Variants in GTF2IRD1 observed in about 807,000 individuals in gnomAD.
The protein encoded by GTF2IRD1 is GTF2I repeat domain containing 1.
Under a neutral mutation model 113.2 loss-of-function variants are expected in GTF2IRD1, and 26 were observed. The ratio of observed to expected loss-of-function variants is 0.23; its 90% CI spans 0.17 to 0.32. The LOEUF (loss-of-function observed/expected upper bound fraction) is 0.32. Among genes scored for constraint, GTF2IRD1 ranks in the 10% least tolerant of loss-of-function variants. GTF2IRD1 has a pLI of 1.00. For synonymous variants in GTF2IRD1, 484 were observed against 529.1 expected, an observed-to-expected ratio of 0.91 and a Z score of 1.17; for missense variants, 864 against 1,280.8, an observed-to-expected ratio of 0.67 and a Z score of 4.97.
intron 17 of GTF2IRD1, among the ~76,000 whole-genome samples, chr7:74,548,717 A>G (rs1310962216): frequency 1.3e-5 from 2 of 152,124 alleles, no homozygotes; most frequent in Non-Finnish European, 2.9e-5. Flanking sequence ...TAGCATGGGC[A>G]ACATAACAAG....
At chr7:74,589,254 G>T (rs1801909700) in intron 22 of GTF2IRD1, among the ~76,000 whole-genome samples, 2 of 152,118 alleles carry the variant, frequency 1.3e-5, no homozygotes, top group Non-Finnish European at 2.9e-5. Flanking sequence ...TACTCAGGAG[G>T]CTGAGGTGGG....
chr7:74,520,089 CAAAAAAAAAA>C (rs61019711), intron 6 of GTF2IRD1, among the ~76,000 whole-genome samples: 4 of 24,588 alleles, frequency 1.6e-4, no homozygotes, highest in East Asian at 1.7e-3. Context: ...AGCTCTGTCT[CAAAAAAAAAA>C]AAAAAAAAAA....
At chr7:74,516,747 T>G (rs1284966857) in intron 4 of GTF2IRD1, among the ~76,000 whole-genome samples, 2 of 152,022 alleles carry the variant, frequency 1.3e-5, no homozygotes, top group East Asian at 3.9e-4. Flanking sequence ...TGTCGACACT[T>G]TTGCCAGCTG....
chr7:74,463,237 G>A (rs1793494044), intron 1 of GTF2IRD1, among the ~76,000 whole-genome samples: 1 of 152,130 alleles, frequency 6.6e-6, no homozygotes. Context: ...TTGTTCATCT[G>A]TTCTTATTAT....
intron 7 of GTF2IRD1, 46 bp from the exon 8 acceptor site, chr7:74,524,025 C>A: frequency 7.3e-7 from 1 of 1,377,550 alleles, no homozygotes; most frequent in Non-Finnish European, 1.0e-6. Flanking sequence ...GGGCGTGTGA[C>A]CGTCCCGTGG....
intron 1 of GTF2IRD1, among the ~76,000 whole-genome samples, chr7:74,489,499 C>T (rs183351907): frequency 2.0e-5 from 3 of 152,256 alleles, no homozygotes; most frequent in African/African-American, 7.2e-5. Context: ...TGTACCACCA[C>T]ACCTGGCTAA....
intron 26 of GTF2IRD1, chr7:74,602,103 A>T: frequency 6.8e-6 from 2 of 294,432 alleles, no homozygotes; most frequent in Non-Finnish European, 1.2e-5. Context: ...TTAGCCGGGC[A>T]TGGTGGCGGG....
intron 13 of GTF2IRD1, among the ~76,000 whole-genome samples, chr7:74,539,421 C>T (rs1284137556): frequency 6.6e-6 from 1 of 152,080 alleles, no homozygotes; most frequent in Admixed American, 6.6e-5. Flanking sequence ...GCACTCCAGC[C>T]TGGGCAACAG....
chr7:74,539,266 C>A (rs1198558571), intron 13 of GTF2IRD1, among the ~76,000 whole-genome samples: 2 of 151,782 alleles, frequency 1.3e-5, no homozygotes, highest in East Asian at 3.9e-4. Context: ...GGCAGCATAG[C>A]AACACCCACA....
chr7:74,508,739 G>A (rs1367121737), intron 2 of GTF2IRD1, among the ~76,000 whole-genome samples: 1 of 149,252 alleles, frequency 6.7e-6, no homozygotes, highest in Non-Finnish European at 1.5e-5. Context: ...CTGGCTCTCC[G>A]CCCTCGTCCC....
chr7:74,594,920 T>A, intron 24 of GTF2IRD1, 94 bp from the exon 25 acceptor site: 2 of 796,482 alleles, frequency 2.5e-6, no homozygotes, highest in Non-Finnish European at 2.1e-6. Context: ...CCACTGCACT[T>A]CAGCCTGGGC....
At chr7:74,560,344 G>A (rs1263769278) in intron 22 of GTF2IRD1, among the ~76,000 whole-genome samples, 3 of 151,944 alleles carry the variant, frequency 2.0e-5, no homozygotes, top group Admixed American at 2.0e-4. Flanking sequence ...CGCAGAAGGA[G>A]GGGTGTCTGC....
In GTF2IRD1 at chr7:74,523,801, G is replaced by T. The variant is rs1797430585; in HGVS notation, c.1007-270G>T. ...TCCAGCCTCCTGTATGTCTGGGGCAGGATGGGCTCGGGATGGACAGGCTGA... is the reference window on the plus strand; with the variant it reads ...TCCAGCCTCCTGTATGTCTGGGGCATGATGGGCTCGGGATGGACAGGCTGA... On this transcript the variant is annotated intron_variant, in intron 7 of 26. Coordinates refer to ENST00000424337, the MANE Select transcript of GTF2IRD1 (RefSeq NM_005685.4). 1.3e-5 allele frequency among the ~76,000 whole-genome samples: 2 copies of T among 152,220 alleles called. 1 individual carries two copies. The highest frequency in any genetic ancestry group is 4.1e-4 in the South Asian group (2 of 4,836).
chr7:74,590,747 G>T (rs1802009391), intron 23 of GTF2IRD1, 78 bp from the exon 24 acceptor site: 1 of 996,156 alleles, frequency 1.0e-6, no homozygotes. Flanking sequence ...GGGCAGCCCA[G>T]ACTCCAGCCC....
intron 1 of GTF2IRD1, among the ~76,000 whole-genome samples, chr7:74,501,379 T>G (rs1796020370): frequency 6.6e-6 from 1 of 152,228 alleles, no homozygotes; most frequent in Non-Finnish European, 1.5e-5. Flanking sequence ...ATTCCTCCTC[T>G]GTAAAATGAG....
At chr7:74,577,737 G>A (rs140996396) in intron 22 of GTF2IRD1, among the ~76,000 whole-genome samples, 1 of 151,908 alleles carries the variant, frequency 6.6e-6, no homozygotes, top group African/African-American at 2.4e-5. Context: ...CTGCAGCCTG[G>A]ACCTTCTAGG....
In GTF2IRD1 at chr7:74,525,911, C is replaced by T. The variant is rs781847575; in HGVS notation, c.1090+1757C>T. Among the ~76,000 whole-genome samples the T allele has an allele frequency of 2.6e-5, 4 of 152,174 alleles. No homozygotes were observed. In the East Asian group the frequency reaches 5.8e-4, roughly 22 times the overall value. ...GTGACCACGTCTGGGGCAGCCTCTGCGTGTGGGCTGGACCTTCCACATTGA... is the reference window on the plus strand; with the variant it reads ...GTGACCACGTCTGGGGCAGCCTCTGTGTGTGGGCTGGACCTTCCACATTGA... On this transcript the variant is annotated intron_variant, in intron 8 of 26. Coordinates refer to ENST00000424337, the MANE Select transcript of GTF2IRD1 (RefSeq NM_005685.4).
intron 1 of GTF2IRD1, among the ~76,000 whole-genome samples, chr7:74,491,748 T>C (rs1053682649): frequency 6.6e-6 from 1 of 152,186 alleles, no homozygotes; most frequent in African/African-American, 2.4e-5. Flanking sequence ...TTTAGGTTGA[T>C]TCCATGTTTT....
intron 1 of GTF2IRD1, among the ~76,000 whole-genome samples, chr7:74,496,101 CAT>C (rs1268268880): frequency 3.1e-4 from 47 of 151,436 alleles, no homozygotes; most frequent in South Asian, 2.1e-4. Flanking sequence ...CATGTGTGTG[CAT>C]ATGTGTGTAT....
Sources: allele counts gnomAD v4.1 joint callset (sites outside exome capture counted in the v4.1 genomes callset), GRCh38; gene constraint gnomAD v4.1.1; transcripts MANE v1.5; gene names NCBI Gene and HGNC (gene_info 2026-07-23, HGNC 2026-07-21).